Variants in HSD17B13 observed in about 807,000 individuals in gnomAD.
HSD17B13 encodes 17-beta-hydroxysteroid dehydrogenase 13.
In HSD17B13, 26 loss-of-function variants were observed where a neutral mutation model predicts 31.1. The ratio of observed to expected loss-of-function variants is 0.84; its 90% CI spans 0.61 to 1.16. HSD17B13 has a LOEUF of 1.16. Ranked by LOEUF, HSD17B13 falls within the 50% of genes most tolerant of loss-of-function variation. The pLI is 0.00. For synonymous variants in HSD17B13, 141 were observed against 133.7 expected (o/e 1.05, Z -0.38); for missense variants, 374 against 366.5 (o/e 1.02, Z -0.17).
chr4:87,317,895 T>C (rs1487356585), intron 2 of HSD17B13, among the ~76,000 whole-genome samples: 1 of 152,162 alleles, frequency 6.6e-6, no homozygotes, highest in Non-Finnish European at 1.5e-5. Context: ...TGGTATTTAC[T>C]CTTTTAAAAT....
At chr4:87,306,905 TAAAAAAAAAAAAA>T (rs67775053) in intron 6 of HSD17B13, among the ~76,000 whole-genome samples, 13 of 44,316 alleles carry the variant, frequency 2.9e-4, no homozygotes, top group South Asian at 2.6e-3. Context: ...AGACCCAATC[TAAAAAAAAAAAAA>T]AAAAAAAAAA....
intron 5 of HSD17B13, 26 bp downstream of exon 5, chr4:87,313,797 C>G: frequency 6.3e-7 from 1 of 1,598,744 alleles, no homozygotes; most frequent in Non-Finnish European, 8.6e-7. Flanking sequence ...TACCACATAC[C>G]CATTCTAACT....
At chr4:87,310,042 A>G (rs1390967393) in intron 6 of HSD17B13, among the ~76,000 whole-genome samples, 1 of 152,062 alleles carries the variant, frequency 6.6e-6, no homozygotes, top group Non-Finnish European at 1.5e-5. Flanking sequence ...GCACACACCT[A>G]TAATCCCAGT....
rs539321052 is a variant in HSD17B13, at chr4:87,311,510, G to A, written c.696-1151C>T. The stretch of plus-strand genomic sequence containing the variant: ...AATGAGAATTTAAGAGGGGCCCAAG[G>A]AGTATGACAACTGGAGGTATGTCAT... On this transcript the variant is annotated intron_variant, in intron 5 of 6. Transcript: ENST00000328546. Among the ~76,000 whole-genome samples, 7 of 152,218 alleles carry A rather than the reference G, an allele frequency of 4.6e-5. No homozygotes were observed. In the South Asian group the frequency reaches 1.0e-3, roughly 23 times the overall value.
intron 6 of HSD17B13, among the ~76,000 whole-genome samples, chr4:87,307,438 G>A (rs541712914): frequency 6.6e-6 from 1 of 152,112 alleles, no homozygotes; most frequent in African/African-American, 2.4e-5. Flanking sequence ...AGAGAGTTGG[G>A]GTTCCATGAA....
At chr4:87,320,780 G>C (rs1734768941) in intron 1 of HSD17B13, among the ~76,000 whole-genome samples, 2 of 152,128 alleles carry the variant, frequency 1.3e-5, no homozygotes, top group South Asian at 4.1e-4. Flanking sequence ...AAACTCCAAT[G>C]TGTTTTTTGA....
At chr4:87,305,716 T>TAAAA (rs10651284) in intron 6 of HSD17B13, among the ~76,000 whole-genome samples, 12,197 of 151,854 alleles carry the variant, frequency 0.08, 1,570 homozygotes, top group African/African-American at 0.27. Flanking sequence ...TCCATCTCAA[T>TAAAA]AAATAAATAA....
rs79431234 is a variant in HSD17B13, at chr4:87,307,534, G to A, written c.813-2226C>T. Among the ~76,000 whole-genome samples, 4,217 of 151,762 alleles carry A rather than the reference G, an allele frequency of 0.028. 281 individuals carry two copies. In the East Asian group the frequency reaches 0.28, roughly 10 times the overall value. On this transcript the variant is annotated intron_variant, in intron 6 of 6. Transcript: ENST00000328546. Reference sequence around the variant, plus strand: ...ATTTTTTTAAAAAATTTATTTTTCCGAGACAGAGTCTCCTGTTGCCCAGGC... The same window carrying A: ...ATTTTTTTAAAAAATTTATTTTTCCAAGACAGAGTCTCCTGTTGCCCAGGC...
intron 1 of HSD17B13, among the ~76,000 whole-genome samples, 191 bp downstream of exon 1, chr4:87,322,441 A>G (rs1734810356): frequency 6.6e-6 from 1 of 152,216 alleles, no homozygotes; most frequent in Non-Finnish European, 1.5e-5. Context: ...CATGTCATAA[A>G]AATCGCTGCT....
intron 5 of HSD17B13, 105 bp downstream of exon 5, chr4:87,313,718 C>T: frequency 5.6e-6 from 5 of 888,208 alleles, no homozygotes; most frequent in South Asian, 1.9e-5. Flanking sequence ...AATTATTTTT[C>T]CTTCTTCATT....
At chr4:87,322,465 C>G in intron 1 of HSD17B13, among the ~76,000 whole-genome samples, 167 bp downstream of exon 1, 1 of 152,310 alleles carries the variant, frequency 6.6e-6, no homozygotes, top group Non-Finnish European at 1.5e-5. Context: ...TTCTTAATTA[C>G]ATTCCCTTCA....
At chr4:87,316,960 C>T in intron 3 of HSD17B13, 132 bp downstream of exon 3, 1 of 918,474 alleles carries the variant, frequency 1.1e-6, no homozygotes, top group South Asian at 1.7e-5. Flanking sequence ...TCTACTCAAA[C>T]AAATTTAATG....
At chr4:87,313,179 T>A (rs1269021167) in intron 5 of HSD17B13, among the ~76,000 whole-genome samples, 1 of 152,070 alleles carries the variant, frequency 6.6e-6, no homozygotes, top group Non-Finnish European at 1.5e-5. Flanking sequence ...ACCACATAGC[T>A]AACTCAGGCT....
At chr4:87,322,308 A>G (rs943472270) in intron 1 of HSD17B13, among the ~76,000 whole-genome samples, 16 of 152,128 alleles carry the variant, frequency 1.1e-4, no homozygotes, top group Non-Finnish European at 2.4e-4. Flanking sequence ...GTTCTTGCCC[A>G]TCCCCTAAGT....
At chr4:87,309,167 G>A (rs1342254769) in intron 6 of HSD17B13, among the ~76,000 whole-genome samples, 2 of 151,980 alleles carry the variant, frequency 1.3e-5, no homozygotes, top group South Asian at 2.1e-4. Context: ...TGGATCACAT[G>A]AGGTCAGGAG....
chr4:87,313,847 C>A lies in HSD17B13; in HGVS notation c.671G>T (p.Gly224Val). ...SCLCPVFVNT[G>V]FTKNPSTRLW... is the part of the protein sequence containing the mutation. ...CCTTGTGCTTGGATTTTTGGTGAAC[C>A]CAGTATTCACAAAAACTGGGCAGAG... The change falls in exon 5 of 7, where the codon GGG becomes GTG. Residue 224 changes from glycine (G) to valine (V), a missense_variant. By Grantham distance (109) the Gly-to-Val change is moderately radical (BLOSUM62 -3). Transcript: ENST00000328546. 1 of 1,611,568 alleles carries A rather than the reference C, an allele frequency of 6.2e-7. No individual in the cohort carries two copies. The highest frequency in any genetic ancestry group is 2.2e-5 in the East Asian group (1 of 44,586).
At position 87,322,736 on chromosome 4, in the gene HSD17B13, C is replaced by T. The variant is rs768568943; in HGVS notation, c.106G>A (p.Gly36Arg). The change falls in exon 1 of 7, where the codon GGG (glycine) becomes AGG (arginine). Residue 36 changes from glycine (G) to arginine (R), a missense_variant. Gly to Arg is a moderately radical substitution (Grantham distance 125, BLOSUM62 -2). Coordinates refer to ENST00000328546, the MANE Select transcript of HSD17B13 (RefSeq NM_178135.5). Reference protein sequence around the residue: ...FIPQRRKSVAGEIVLITGAGH... With the variant: ...FIPQRRKSVAREIVLITGAGH... ...GCTCCAGTAATGAGAACAATCTCCC[C>T]AGCCACAGATTTTCTCCTCTGAGGA... is the stretch of plus-strand genomic sequence containing the variant. 2.5e-6 allele frequency: 4 copies of T among 1,614,112 alleles called. No homozygotes were observed. The highest frequency in any genetic ancestry group is 3.4e-6 in the Non-Finnish European group (4 of 1,179,968).
intron 6 of HSD17B13, among the ~76,000 whole-genome samples, chr4:87,307,512 T>G (rs1182613180): frequency 6.6e-6 from 1 of 152,226 alleles, no homozygotes; most frequent in African/African-American, 2.4e-5. Context: ...TTTTTTCATT[T>G]TTTTAAAAAA....
chr4:87,318,526 G>A, intron 1 of HSD17B13, 90 bp from the exon 2 acceptor site: 4 of 1,061,140 alleles, frequency 3.8e-6, no homozygotes, highest in Non-Finnish European at 2.9e-6. Flanking sequence ...TCGGCTAGGC[G>A]CGGTGGCTCA....
Sources: gnomAD v4.1 joint callset for allele counts (sites outside exome capture counted in the v4.1 genomes callset) on GRCh38, gnomAD v4.1.1 for gene constraint, MANE v1.5 for transcripts, NCBI Gene and HGNC (gene_info 2026-07-23, HGNC 2026-07-21) for gene names.